SPTA1: variants seen among roughly 807,000 people sequenced by gnomAD.
SPTA1 encodes the protein spectrin alpha, erythrocytic 1, also known as spectrin alpha chain, erythrocytic 1.
In SPTA1, 177 loss-of-function variants were observed where a neutral mutation model predicts 324.7. The observed-to-expected ratio is 0.55, with a 90% CI of 0.48 to 0.62. SPTA1 has a LOEUF of 0.62. Among genes scored for constraint, SPTA1 ranks in the 20% least tolerant of loss-of-function variants. The probability of loss-of-function intolerance (pLI) is 0.00; values close to 1 mark genes in which losing one functional copy is unlikely to be tolerated. For synonymous variants in SPTA1, 1,195 were observed against 1,041.3 expected, an observed-to-expected ratio of 1.15 and a Z score of -2.84; for missense variants, 3,162 against 2,883.6, an observed-to-expected ratio of 1.10 and a Z score of -2.21.
intron 44 of SPTA1, 34 bp downstream of exon 44, chr1:158,620,136 A>G: frequency 6.2e-7 from 1 of 1,613,334 alleles, no homozygotes; most frequent in Non-Finnish European, 8.5e-7. Context: ...TGTTCACTGT[A>G]GTGAAAGGAA....
intron 42 of SPTA1, among the ~76,000 whole-genome samples, chr1:158,624,346 A>T (rs1465426417): frequency 1.3e-5 from 2 of 152,116 alleles, no homozygotes; most frequent in Non-Finnish European, 2.9e-5. Flanking sequence ...CCTAGGAGGG[A>T]GGCTGTACCC....
chr1:158,627,457 T>A (rs1650353821), intron 40 of SPTA1, among the ~76,000 whole-genome samples, 168 bp downstream of exon 40: 1 of 152,194 alleles, frequency 6.6e-6, no homozygotes, highest in Non-Finnish European at 1.5e-5. Flanking sequence ...ATTGAGTAGA[T>A]AATTATTTGC....
In SPTA1 at chr1:158,642,855, T is replaced by G. The variant is rs201910178; in HGVS notation, c.4564A>C (p.Thr1522Pro). The stretch of plus-strand genomic sequence containing the variant: ...TCTTTGTAGGATTCATCACAGGCTG[T>G]GGGCAGCATCTCACTGATCCATTCT... The part of the protein sequence containing the change: ...LEEWISEMLP[T>P]ACDESYKDAT... Residue 1522 changes from threonine to proline, a missense_variant, in exon 32 of 52, where the codon ACA (threonine) becomes CCA (proline). Coordinates refer to ENST00000643759, the MANE Select transcript of SPTA1 (RefSeq NM_003126.4). 9.9e-6 allele frequency: 16 copies of G among 1,613,966 alleles called. 1 individual carries two copies. The highest frequency in any genetic ancestry group is 1.4e-5 in the Non-Finnish European group (16 of 1,179,908).
intron 16 of SPTA1, 131 bp downstream of exon 16, chr1:158,666,185 G>A (rs1488535351): frequency 3.8e-6 from 3 of 790,856 alleles, no homozygotes; most frequent in Non-Finnish European, 6.3e-6. Context: ...TGTGCTCAGA[G>A]CATATACACC....
chr1:158,685,041 G>T, intron 2 of SPTA1, 67 bp downstream of exon 2: 2 of 1,600,054 alleles, frequency 1.2e-6, no homozygotes, highest in Non-Finnish European at 1.7e-6. Flanking sequence ...TTAACATAAA[G>T]AAAAACCTAT....
At chr1:158,633,433 G>T (rs1650822809) in intron 39 of SPTA1, among the ~76,000 whole-genome samples, 1 of 152,016 alleles carries the variant, frequency 6.6e-6, no homozygotes, top group Non-Finnish European at 1.5e-5. Context: ...GGCTGAGGTG[G>T]GTGGATCACG....
chr1:158,678,680 C>T (rs1654580827), intron 5 of SPTA1, 146 bp from the exon 6 acceptor site: 3 of 1,026,518 alleles, frequency 2.9e-6, no homozygotes, highest in Non-Finnish European at 4.3e-6. Flanking sequence ...TCATCATAGC[C>T]CTCCTCCCTA....
intron 11 of SPTA1, 74 bp downstream of exon 11, chr1:158,671,985 C>T: frequency 6.3e-7 from 1 of 1,587,820 alleles, no homozygotes; most frequent in Admixed American, 1.7e-5. Context: ...TGTGAGGGAA[C>T]TCATGGTAGT....
chr1:158,644,171 T>C (rs1651821784), intron 30 of SPTA1, 82 bp downstream of exon 30: 2 of 1,558,774 alleles, frequency 1.3e-6, no homozygotes, highest in Non-Finnish European at 1.8e-6. Context: ...TGTTTATAAA[T>C]TATAAAACCA....
intron 43 of SPTA1, among the ~76,000 whole-genome samples, chr1:158,621,110 T>A (rs938863215): frequency 1.3e-5 from 2 of 152,156 alleles, no homozygotes; most frequent in African/African-American, 2.4e-5. Context: ...AATATATGTA[T>A]CATTGTATTA....
At chr1:158,656,736 C>T in intron 19 of SPTA1, 80 bp from the exon 20 acceptor site, 1 of 1,349,714 alleles carries the variant, frequency 7.4e-7, no homozygotes, top group Non-Finnish European at 1.1e-6. Context: ...TTGGGTTATG[C>T]TATTTGTCTT....
chr1:158,654,702 A>G lies in SPTA1; in HGVS notation c.2945T>C (p.Val982Ala). 3 of 1,613,520 alleles carry G rather than the reference A, an allele frequency of 1.9e-6. No individual in the cohort carries two copies. The highest frequency in any genetic ancestry group is 2.5e-6 in the Non-Finnish European group (3 of 1,179,848). ...PVEGVAGEQR[V>A]MALYDFQARS... ...GGCCTGGAAGTCATATAAAGCCATG[A>G]CCCTTTGTTCTCCAGCAACTCCCTC... The change falls in exon 21 of 52, where the codon GTC (valine) becomes GCC (alanine). Residue 982 changes from valine to alanine, a missense_variant. Physicochemically the swap from Val to Ala is moderately conservative, Grantham distance 64. Transcript: ENST00000643759.
chr1:158,631,868 T>C (rs1365352681), intron 39 of SPTA1, among the ~76,000 whole-genome samples: 2 of 152,136 alleles, frequency 1.3e-5, no homozygotes, highest in Non-Finnish European at 2.9e-5. Flanking sequence ...GCACAGCTGT[T>C]ATGGAAAACA....
chr1:158,655,634 C>T (rs76102774), intron 20 of SPTA1, among the ~76,000 whole-genome samples: 1,952 of 152,260 alleles, frequency 0.013, 41 homozygotes, highest in African/African-American at 0.045. Flanking sequence ...ACTGAGTCTA[C>T]GTCTTTTGTT....
chr1:158,684,379 T>TATTCACCCTATTTCCCTTCTTAATGTCC (rs1655025485), intron 2 of SPTA1, among the ~76,000 whole-genome samples: 1 of 152,118 alleles, frequency 6.6e-6, no homozygotes, highest in Non-Finnish European at 1.5e-5. Context: ...CATTGATGAC[T>TATTCACCCTATTTCCCTTCTTAATGTCC]CTTCACCCTA....
At chr1:158,616,104 CT>C (rs982068904) in intron 47 of SPTA1, among the ~76,000 whole-genome samples, 1 of 151,768 alleles carries the variant, frequency 6.6e-6, no homozygotes, top group Admixed American at 6.6e-5. Flanking sequence ...TGCCTGACAT[CT>C]TTTTTTTAAG....
rs202169454 is a variant in SPTA1, at chr1:158,619,300, C to T, written c.6452G>A (p.Arg2151Lys). 1.2e-6 allele frequency: 2 copies of T among 1,614,156 alleles called. No homozygotes were observed. The highest frequency in any genetic ancestry group is 8.5e-7 in the Non-Finnish European group (1 of 1,179,998). Residue 2151 changes from arginine to lysine, a missense_variant, in exon 45 of 52, where the codon AGA (arginine) becomes AAA (lysine). Physicochemically the swap from Arg to Lys is conservative, Grantham distance 26. Coordinates refer to ENST00000643759, the MANE Select transcript of SPTA1 (RefSeq NM_003126.4). ...ACACATCTCAAAGTTCTTGACCTGT[C>T]TTGCCTCTTCCTTTTGCAGCTCCTG... Reference protein sequence around the residue: ...REQELQKEEARQVKNFEMCQE... With the variant: ...REQELQKEEAKQVKNFEMCQE...
chr1:158,638,589 G>A (rs558479916), intron 35 of SPTA1, among the ~76,000 whole-genome samples: 9 of 151,974 alleles, frequency 5.9e-5, no homozygotes, highest in Non-Finnish European at 8.8e-5. Context: ...AGGCCAAGGC[G>A]GTTGGATCAA....
chr1:158,682,695 C>A (rs1395953116), intron 3 of SPTA1, among the ~76,000 whole-genome samples: 2 of 152,004 alleles, frequency 1.3e-5, no homozygotes, highest in Non-Finnish European at 2.9e-5. Context: ...CACTCACACA[C>A]AAAAAAATTG....
Sources: allele counts gnomAD v4.1 joint callset (sites outside exome capture counted in the v4.1 genomes callset), GRCh38; gene constraint gnomAD v4.1.1; transcripts MANE v1.5; gene names NCBI Gene and HGNC (gene_info 2026-07-23, HGNC 2026-07-21).